MALRD1: variants seen among roughly 807,000 people sequenced by gnomAD.
MALRD1 encodes MAM and LDL receptor class A domain containing 1.
A neutral mutation model predicts 242.1 loss-of-function variants in MALRD1; 247 were observed. The ratio of observed to expected loss-of-function variants is 1.02; its 90% confidence interval spans 0.92 to 1.13. The LOEUF is 1.13. Among genes scored for constraint, MALRD1 ranks in the 50% most tolerant of loss-of-function variants. MALRD1 has a pLI of 0.00. For missense variants in MALRD1, 2,989 were observed against 2,533.1 expected, an observed-to-expected ratio of 1.18 and a Z score of -3.86; for synonymous variants, 995 against 866.6, an observed-to-expected ratio of 1.15 and a Z score of -2.60.
chr10:19,490,917 A>G (rs924502263), intron 29 of MALRD1, among the ~76,000 whole-genome samples: 5 of 152,218 alleles, frequency 3.3e-5, no homozygotes, highest in Admixed American at 3.3e-4. Context: ...TGTATAAAAA[A>G]GGAAAATTTT....
intron 28 of MALRD1, among the ~76,000 whole-genome samples, chr10:19,437,557 C>G (rs968314437): frequency 2.6e-5 from 4 of 151,984 alleles, no homozygotes; most frequent in African/African-American, 9.7e-5. Flanking sequence ...CTCTCTGGAA[C>G]TCACCTTTGG....
intron 26 of MALRD1, among the ~76,000 whole-genome samples, chr10:19,361,566 C>CT (rs1844898095): frequency 1.3e-5 from 2 of 152,106 alleles, no homozygotes; most frequent in African/African-American, 4.8e-5. Context: ...TTATTATGTG[C>CT]TACGTAACTA....
intron 10 of MALRD1, among the ~76,000 whole-genome samples, chr10:19,141,938 C>T (rs1417533135): frequency 1.3e-5 from 2 of 151,556 alleles, no homozygotes; most frequent in Non-Finnish European, 2.9e-5. Flanking sequence ...TTTGGGAGGC[C>T]GAGGCGGGTG....
At chr10:19,305,083 A>G (rs1052335403) in intron 21 of MALRD1, among the ~76,000 whole-genome samples, 2 of 151,702 alleles carry the variant, frequency 1.3e-5, no homozygotes, top group African/African-American at 4.8e-5. Flanking sequence ...GAATGACTTT[A>G]TCAACTGAAT....
intron 32 of MALRD1, among the ~76,000 whole-genome samples, chr10:19,531,878 A>G (rs1834432118): frequency 6.6e-6 from 1 of 152,208 alleles, no homozygotes; most frequent in Non-Finnish European, 1.5e-5. Flanking sequence ...TTTTCATTGT[A>G]TCAATGAGTT....
At chr10:19,589,184 T>C (rs1210821644) in intron 33 of MALRD1, among the ~76,000 whole-genome samples, 1 of 152,054 alleles carries the variant, frequency 6.6e-6, no homozygotes, top group Non-Finnish European at 1.5e-5. Flanking sequence ...CCAAGATAGA[T>C]AGATAGATAG....
At chr10:19,188,218 A>G (rs1014109998) in intron 14 of MALRD1, among the ~76,000 whole-genome samples, 1 of 152,186 alleles carries the variant, frequency 6.6e-6, no homozygotes, top group African/African-American at 2.4e-5. Flanking sequence ...CCCATCGTCA[A>G]TGACCACCTG....
intron 19 of MALRD1, among the ~76,000 whole-genome samples, chr10:19,265,045 C>T (rs1258314009): frequency 6.6e-6 from 1 of 152,024 alleles, no homozygotes; most frequent in Non-Finnish European, 1.5e-5. Context: ...TATAATTGTT[C>T]ATAGCAGTCT....
rs548806723 is a variant in MALRD1 at position 19,440,321 on chromosome 10, T to G, written c.4846-9986T>G. ...ATTTTATTTTTGTTCTTATGAGGGTTTTTATCTATAGCTTAAAACCCATTC... is the reference window on the plus strand; with the variant it reads ...ATTTTATTTTTGTTCTTATGAGGGTGTTTATCTATAGCTTAAAACCCATTC... On this transcript the variant is annotated intron_variant, in intron 28 of 39. Coordinates refer to ENST00000454679, the MANE Select transcript of MALRD1 (RefSeq NM_001142308.3). 9.2e-5 allele frequency among the ~76,000 whole-genome samples: 14 copies of G among 152,228 alleles called. No individual in the cohort carries two copies. The East Asian group carries it at 9.7e-4, about 10-fold the overall frequency.
At chr10:19,251,727 T>A (rs1447013613) in intron 18 of MALRD1, among the ~76,000 whole-genome samples, 2 of 152,006 alleles carry the variant, frequency 1.3e-5, no homozygotes, top group African/African-American at 4.8e-5. Context: ...TTGAAAGAAG[T>A]AGGTGATATG....
chr10:19,350,786 G>A (rs1844340345), intron 25 of MALRD1, among the ~76,000 whole-genome samples: 1 of 152,160 alleles, frequency 6.6e-6, no homozygotes, highest in Non-Finnish European at 1.5e-5. Flanking sequence ...ACAAACAAAA[G>A]GAGAAGTCCC....
At chr10:19,306,645 T>G (rs1842222115) in intron 21 of MALRD1, among the ~76,000 whole-genome samples, 1 of 150,978 alleles carries the variant, frequency 6.6e-6, no homozygotes, top group African/African-American at 2.4e-5. Flanking sequence ...ATTAGTCTGT[T>G]CTCATGCTGC....
intron 21 of MALRD1, among the ~76,000 whole-genome samples, chr10:19,301,982 A>T (rs1712138950): frequency 6.6e-6 from 1 of 151,888 alleles, no homozygotes; most frequent in Non-Finnish European, 1.5e-5. Context: ...CAAAGAAGTT[A>T]TACAAACAGC....
chr10:19,391,445 C>A (rs1228779040), intron 28 of MALRD1, among the ~76,000 whole-genome samples: 1 of 152,170 alleles, frequency 6.6e-6, no homozygotes, highest in African/African-American at 2.4e-5. Context: ...TTTTACCTTG[C>A]TCATTAGCTT....
chr10:19,235,113 C>G (rs73593854), intron 18 of MALRD1, among the ~76,000 whole-genome samples: 19,949 of 152,044 alleles, frequency 0.13, 1,662 homozygotes, highest in Admixed American at 0.27. Flanking sequence ...AGTGCATTGA[C>G]CTGCAGGCCA....
intron 18 of MALRD1, among the ~76,000 whole-genome samples, chr10:19,218,402 G>A (rs1433100042): frequency 6.6e-6 from 1 of 151,982 alleles, no homozygotes; most frequent in Non-Finnish European, 1.5e-5. Flanking sequence ...AATCTTCTTT[G>A]AAAATACGAA....
chr10:19,253,663 A>T (rs1018243465), intron 18 of MALRD1, among the ~76,000 whole-genome samples: 2 of 152,010 alleles, frequency 1.3e-5, no homozygotes, highest in Admixed American at 1.3e-4. Context: ...GTTCAAACTC[A>T]TGTTGTTTAA....
At chr10:19,103,175 A>T (rs1836329765) in intron 4 of MALRD1, among the ~76,000 whole-genome samples, 1 of 152,052 alleles carries the variant, frequency 6.6e-6, no homozygotes, top group Admixed American at 6.6e-5. Context: ...ACAATAAGTC[A>T]CAGAACAATC....
At chr10:19,257,395 T>C (rs1839563145) in intron 18 of MALRD1, among the ~76,000 whole-genome samples, 1 of 152,124 alleles carries the variant, frequency 6.6e-6, no homozygotes, top group Non-Finnish European at 1.5e-5. Context: ...CTGAAAGTTA[T>C]AGGGCAGTGG....
Sources: gnomAD v4.1 joint callset for allele counts (sites outside exome capture counted in the v4.1 genomes callset) on GRCh38, gnomAD v4.1.1 for gene constraint, MANE v1.5 for transcripts, NCBI Gene and HGNC (gene_info 2026-07-23, HGNC 2026-07-21) for gene names.